Variants in RBFOX1 observed in about 807,000 individuals in gnomAD.
The protein encoded by RBFOX1 is RNA binding fox-1 homolog 1.
In RBFOX1, 8 loss-of-function variants were observed where a neutral mutation model predicts 57.7. That is an observed-to-expected ratio of 0.14 (90% confidence interval 0.08 to 0.25). The LOEUF (loss-of-function observed/expected upper bound fraction) is 0.25, where lower values mean the gene tolerates loss of function less well. Ranked by LOEUF, RBFOX1 falls within the 10% of genes least tolerant of loss-of-function variation. The pLI is 1.00. For synonymous variants in RBFOX1, 326 were observed against 222.4 expected (o/e 1.47, Z -4.15); for missense variants, 611 against 548.5 (o/e 1.11, Z -1.14).
At chr16:6,302,820 G>C (rs2078978022) in intron 1 of RBFOX1, among the ~76,000 whole-genome samples, 2 of 152,114 alleles carry the variant, frequency 1.3e-5, no homozygotes, top group African/African-American at 4.8e-5. Flanking sequence ...GCCCCTTTTA[G>C]TGATTCATTT....
At chr16:5,411,969 T>C (rs1480470925) in intron 1 of RBFOX1, among the ~76,000 whole-genome samples, 1 of 152,222 alleles carries the variant, frequency 6.6e-6, no homozygotes, top group Non-Finnish European at 1.5e-5. Context: ...CAGATCTCAC[T>C]GAGACTATTC....
intron 1 of RBFOX1, among the ~76,000 whole-genome samples, chr16:6,155,827 A>G (rs1378042895): frequency 6.6e-6 from 1 of 152,152 alleles, no homozygotes; most frequent in Non-Finnish European, 1.5e-5. Flanking sequence ...GTTTAAAAGA[A>G]CACACTTTAT....
chr16:6,805,189 C>T (rs150047389), intron 3 of RBFOX1, among the ~76,000 whole-genome samples: 10 of 152,174 alleles, frequency 6.6e-5, no homozygotes, highest in Non-Finnish European at 1.2e-4. Flanking sequence ...GGTACATCTA[C>T]ACCATGGAAT....
At chr16:5,887,321 A>C (rs1162384570) in intron 4 of RBFOX1, among the ~76,000 whole-genome samples, 2 of 152,164 alleles carry the variant, frequency 1.3e-5, no homozygotes, top group African/African-American at 4.8e-5. Context: ...AAATGATGCA[A>C]CTTTTCTCCA....
At chr16:6,309,108 C>T (rs749420158) in intron 1 of RBFOX1, among the ~76,000 whole-genome samples, 1 of 151,990 alleles carries the variant, frequency 6.6e-6, no homozygotes, top group South Asian at 2.1e-4. Context: ...ACTGCGTTCG[C>T]CTGTTTTGAA....
intron 4 of RBFOX1, among the ~76,000 whole-genome samples, chr16:7,140,074 C>G (rs4444357): frequency 4.0e-5 from 6 of 151,268 alleles, no homozygotes; most frequent in Non-Finnish European, 7.4e-5. Context: ...ATGGTAGGCT[C>G]TGTCTAGGTA....
chr16:6,788,816 A>T (rs920658291), intron 3 of RBFOX1, among the ~76,000 whole-genome samples: 8 of 151,964 alleles, frequency 5.3e-5, no homozygotes, highest in Non-Finnish European at 1.2e-4. Flanking sequence ...ATGTCATACG[A>T]TGTGCCAATT....
chr16:5,586,058 T>C (rs2046818685), intron 2 of RBFOX1, among the ~76,000 whole-genome samples: 1 of 152,082 alleles, frequency 6.6e-6, no homozygotes, highest in South Asian at 2.1e-4. Flanking sequence ...GAAGACACAG[T>C]GCCGTGCAGA....
At chr16:5,867,303 G>C (rs1292272279) in exon 4 of RBFOX1, 1 of 1,205,760 alleles carries the variant, frequency 8.3e-7, no homozygotes, top group South Asian at 4.2e-5. Flanking sequence ...TAACTTGCAG[G>C]TTTCGGCAAG....
At chr16:6,635,608 C>G (rs571963724) in intron 2 of RBFOX1, among the ~76,000 whole-genome samples, 2 of 152,206 alleles carry the variant, frequency 1.3e-5, no homozygotes, top group East Asian at 1.9e-4. Context: ...CTGGGAGGAA[C>G]ATACTAGAAT....
At chr16:6,862,166 G>T (rs2059136816) in intron 3 of RBFOX1, among the ~76,000 whole-genome samples, 1 of 152,062 alleles carries the variant, frequency 6.6e-6, no homozygotes, top group African/African-American at 2.4e-5. Flanking sequence ...GATTGTGAAG[G>T]GCTTGCTGTG....
At chr16:6,864,754 A>G (rs2059613034) in intron 3 of RBFOX1, among the ~76,000 whole-genome samples, 1 of 152,024 alleles carries the variant, frequency 6.6e-6, no homozygotes, top group Non-Finnish European at 1.5e-5. Context: ...TTCAACCTGT[A>G]TTTTTAAGTG....
At chr16:6,742,844 A>C (rs2072609207) in intron 3 of RBFOX1, among the ~76,000 whole-genome samples, 1 of 152,204 alleles carries the variant, frequency 6.6e-6, no homozygotes, top group African/African-American at 2.4e-5. Flanking sequence ...AGATGGGTAG[A>C]ACTATAAAGG....
intron 7 of RBFOX1, among the ~76,000 whole-genome samples, chr16:7,592,655 G>T (rs1208000918): frequency 6.6e-6 from 1 of 152,182 alleles, no homozygotes; most frequent in Non-Finnish European, 1.5e-5. Context: ...GCATGGCTAT[G>T]GTTGCTAGGA....
At chr16:5,246,730 G>A (rs1290135068) in intron 1 of RBFOX1, among the ~76,000 whole-genome samples, 1 of 151,648 alleles carries the variant, frequency 6.6e-6, no homozygotes, top group Non-Finnish European at 1.5e-5. Context: ...TAGTGCAGGG[G>A]TGTGATCTTG....
chr16:6,551,682 A>T (rs770431413), intron 2 of RBFOX1, among the ~76,000 whole-genome samples: 16 of 152,220 alleles, frequency 1.1e-4, no homozygotes, highest in Non-Finnish European at 2.2e-4. Context: ...AGCTACAGAT[A>T]AGACTATTAA....
chr16:7,164,894 G>T (rs1420312896), intron 4 of RBFOX1, among the ~76,000 whole-genome samples: 7 of 152,172 alleles, frequency 4.6e-5, no homozygotes, highest in African/African-American at 1.7e-4. Context: ...ATAAGAGAAT[G>T]AATTGTTTGC....
intron 11 of RBFOX1, among the ~76,000 whole-genome samples, chr16:7,652,872 A>C (rs941926653): frequency 1.7e-4 from 26 of 152,196 alleles, no homozygotes; most frequent in African/African-American, 6.3e-4. Context: ...TACCACATAC[A>C]TGTGTCAGTG....
chr16:5,885,097 T>C (rs1208741790), intron 4 of RBFOX1, among the ~76,000 whole-genome samples: 1 of 152,142 alleles, frequency 6.6e-6, no homozygotes. Flanking sequence ...ATTCTCCAAA[T>C]GGAGAAGCTC....
Sources: gnomAD v4.1 joint callset for allele counts (sites outside exome capture counted in the v4.1 genomes callset) on GRCh38, gnomAD v4.1.1 for gene constraint, MANE v1.5 for transcripts, NCBI Gene and HGNC (gene_info 2026-07-23, HGNC 2026-07-21) for gene names.